The following ABCF2 variants were observed in gnomAD, a reference collection of about 807,000 sequenced individuals.
The protein encoded by ABCF2 is ATP binding cassette subfamily F member 2.
ABCF2 carries 37 observed loss-of-function variants against 76.9 expected under a neutral mutation model. The ratio of observed to expected loss-of-function variants is 0.48; its 90% CI spans 0.37 to 0.63. The LOEUF (loss-of-function observed/expected upper bound fraction) is 0.63, where lower values mean the gene tolerates loss of function less well. Ranked by LOEUF, ABCF2 falls within the 30% of genes least tolerant of loss-of-function variation. ABCF2 has a pLI of 0.00. For missense variants in ABCF2, 524 were observed against 782.1 expected, an observed-to-expected ratio of 0.67 and a Z score of 3.94; for synonymous variants, 299 against 283.7, an observed-to-expected ratio of 1.05 and a Z score of -0.54.
chr7:151,226,729 C>G (rs575735077), intron 1 of ABCF2: 72 of 338,492 alleles, frequency 2.1e-4, no homozygotes, highest in Middle Eastern at 7.5e-4. Context: ...CCCCCACGGA[C>G]TGCCTCACTT....
At chr7:151,221,550 T>A in intron 7 of ABCF2, 28 bp downstream of exon 7, 3 of 1,368,618 alleles carry the variant, frequency 2.2e-6, no homozygotes, top group Non-Finnish European at 2.1e-6. Flanking sequence ...TGCACAGAGA[T>A]TACCAGAAGA....
Position 151,214,844 on chromosome 7 carries a change from C to T in ABCF2, c.1734+35G>A. The T allele has an allele frequency of 1.2e-6, 2 of 1,608,662 alleles. No individual in the cohort carries two copies. The highest frequency in any genetic ancestry group is 1.7e-6 in the Non-Finnish European group (2 of 1,175,170). On this transcript the variant is annotated intron_variant, in intron 14 of 14. Transcript: ENST00000287844. The surrounding 1 kb of genome is among the most constrained non-coding windows in gnomAD (Gnocchi z 4.9). ...ACTACCCTACCCAACCCCCTAGAAG[C>T]TCTGCTGTGCCTCACCCCCTGGCCA...
rs758641317 is a variant in ABCF2 at position 151,224,020 on chromosome 7, A to G, written c.462T>C (p.Ser154=). Residue 154 remains serine (S), a synonymous_variant, in exon 4 of 15, where the codon AGT becomes AGC. Transcript: ENST00000287844. ...IYHLTREMPP[S]DKTPLHCVME... is the part of the protein sequence containing the mutation. ...TCACACAATGCAAGGGTGTCTTGTC[A>G]CTAGGGGGCATCTCTCGAGTCAGAT... is the stretch of plus-strand genomic sequence containing the variant. 1.9e-6 allele frequency: 3 copies of G among 1,613,932 alleles called. No individual in the cohort carries two copies. The highest frequency in any genetic ancestry group is 1.1e-5 in the South Asian group (1 of 91,080).
chr7:151,218,663 G>T lies in ABCF2; in HGVS notation c.1138-13C>A, dbSNP rs528203375. 3.1e-6 allele frequency: 5 copies of T among 1,613,880 alleles called. No individual in the cohort carries two copies. The highest frequency in any genetic ancestry group is 4.2e-6 in the Non-Finnish European group (5 of 1,179,934). ...AAAATGACAGTGTCTAGGAAGAAAA[G>T]AGGGCATTTATCAAGTTGGCTCCTT... On this transcript the variant is annotated splice_polypyrimidine_tract_variant and intron_variant, in intron 9 of 14. Coordinates refer to ENST00000287844, the MANE Select transcript of ABCF2 (RefSeq NM_007189.3).
At position 151,211,920 on chromosome 7, in the gene ABCF2, C is replaced by G; in HGVS notation, c.*2134G>C. The stretch of plus-strand genomic sequence containing the variant: ...CCTGTTGCCCAGGGCAGCTCCTGGA[C>G]TTTGTGGCCATCTGAGAAGATCCTA... On this transcript the variant is annotated 3_prime_UTR_variant, in exon 15 of 15. Coordinates refer to ENST00000287844, the MANE Select transcript of ABCF2 (RefSeq NM_007189.3). 1.0e-6 allele frequency: 1 copy of G among 985,454 alleles called. No homozygotes were observed. Among genetic ancestry groups the G allele is most frequent in the Non-Finnish European group, 1.2e-6 (1 of 829,930 alleles). 61.0% of individuals were successfully genotyped at this position (985,454 alleles called of 1,614,324 possible). A position where few individuals can be genotyped will look rare whatever the true frequency, so the allele number is the denominator to read the frequency against.
Position 151,223,927 on chromosome 7 carries a change from C to T in ABCF2, c.550+5G>A. ...CCACCCCTATGCCCAGGTCTGGAGCCCTACCATCCTCATGAGCCAGCCGCT... is the reference window on the plus strand; with the variant it reads ...CCACCCCTATGCCCAGGTCTGGAGCTCTACCATCCTCATGAGCCAGCCGCT... On this transcript the variant is annotated splice_donor_5th_base_variant and intron_variant, in intron 4 of 14. Coordinates refer to ENST00000287844, the MANE Select transcript of ABCF2 (RefSeq NM_007189.3). 6.2e-7 allele frequency: 1 copy of T among 1,612,058 alleles called. No homozygotes were observed. Among genetic ancestry groups the T allele is most frequent in the Non-Finnish European group, 8.5e-7 (1 of 1,178,606 alleles).
chr7:151,215,075 G>A lies in ABCF2; in HGVS notation c.1538C>T (p.Pro513Leu), dbSNP rs1462369166. The A allele has an allele frequency of 6.2e-7, 1 of 1,613,038 alleles. No homozygotes were observed. The highest frequency in any genetic ancestry group is 1.7e-5 in the Admixed American group (1 of 59,860). ...CTGCCCGTCTGACAAGTTCCGGATT[G>A]GGCTCACCTGAGTAGAACCGTGACC... The part of the protein sequence containing the change: ...YGLTGKQQVS[P>L]IRNLSDGQKC... The change falls in exon 14 of 15, where the codon CCA (proline) becomes CTA (leucine). Residue 513 changes from proline (P) to leucine (L), a missense_variant. Pro to Leu is a moderately conservative substitution (Grantham distance 98). Transcript: ENST00000287844. The surrounding 1 kb of genome is among the most constrained non-coding windows in gnomAD (Gnocchi z 4.6).
Position 151,215,808 on chromosome 7 carries a change from T to G in ABCF2, c.1402-76A>C. 6.2e-7 allele frequency: 1 copy of G among 1,605,846 alleles called. No individual in the cohort carries two copies. Among genetic ancestry groups the G allele is most frequent in the Non-Finnish European group, 8.5e-7 (1 of 1,174,336 alleles). On this transcript the variant is annotated intron_variant, in intron 12 of 14. Transcript: ENST00000287844. This position sits in a 1 kb window ranked among gnomAD's most constrained non-coding sequence, Gnocchi z 4.6. ...ATAAACCCTACTAGGTAACTTCCTA[T>G]TTCTATCCCAGGCACCTGTTCTGGG...
intron 3 of ABCF2, 92 bp downstream of exon 3, chr7:151,224,684 T>C: frequency 8.1e-7 from 1 of 1,234,710 alleles, no homozygotes; most frequent in Non-Finnish European, 1.2e-6. Flanking sequence ...TCTAAATGCT[T>C]TGCTCTGAAC....
rs1351093841 is a variant in ABCF2, at chr7:151,215,304, A to C, written c.1531-222T>G. Among the ~76,000 whole-genome samples, 1 of 152,176 alleles carries C rather than the reference A, an allele frequency of 6.6e-6. No homozygotes were observed. Among genetic ancestry groups the C allele is most frequent in the Non-Finnish European group, 1.5e-5 (1 of 68,040 alleles). ...ACACCTCTCGCTCTCTTGGCAATGA[A>C]TTGGATCCTTCCAGATCTGAATCCA... On this transcript the variant is annotated intron_variant, in intron 13 of 14. Transcript: ENST00000287844. The surrounding 1 kb of genome is among the most constrained non-coding windows in gnomAD (Gnocchi z 4.6).
Position 151,224,892 on chromosome 7 carries a change from G to A in ABCF2, c.251C>T (p.Thr84Ile). 6.2e-7 allele frequency: 1 copy of A among 1,614,180 alleles called. No homozygotes were observed. The highest frequency in any genetic ancestry group is 8.5e-7 in the Non-Finnish European group (1 of 1,179,990). ...TGVLASHPNS[T>I]DVHIINLSLT... is the part of the protein sequence containing the mutation. ...TGAGAGGTTGATGATGTGAACATCAGTACTGTTGGGGTGAGAGGCCAGGAC... is the reference window on the plus strand; with the variant it reads ...TGAGAGGTTGATGATGTGAACATCAATACTGTTGGGGTGAGAGGCCAGGAC... The change falls in exon 3 of 15, where the codon ACT becomes ATT. Residue 84 changes from threonine to isoleucine, a missense_variant. Thr to Ile is a moderately conservative substitution (Grantham distance 89, BLOSUM62 -1). Transcript: ENST00000287844.
At chr7:151,226,643 T>C (rs879487510) in intron 1 of ABCF2, 143 bp from the exon 2 acceptor site, 32 of 620,116 alleles carry the variant, frequency 5.2e-5, no homozygotes, top group Non-Finnish European at 4.0e-5. Flanking sequence ...TGTTCCAACT[T>C]GGTCAGGGTA....
In ABCF2 at chr7:151,215,939, TC is replaced by T. The variant is rs769476427; in HGVS notation, c.1401+27del. The T allele has an allele frequency of 6.2e-7, 1 of 1,612,738 alleles. No homozygotes were observed. The highest frequency in any genetic ancestry group is 8.5e-7 in the Non-Finnish European group (1 of 1,178,818). ...AGCCCCTCCCTATACCCTGGGCAAT[TC>T]CCCGGATCCCAACCCCAGGCCTGTA... On this transcript the variant is annotated intron_variant, in intron 12 of 14. Transcript: ENST00000287844. This position sits in a 1 kb window ranked among gnomAD's most constrained non-coding sequence, Gnocchi z 4.6.
chr7:151,211,895 CCT>C lies in ABCF2; in HGVS notation c.*2157_*2158del, dbSNP rs1159795184. 29 of 985,324 alleles carry C rather than the reference CCT, an allele frequency of 2.9e-5. No individual in the cohort carries two copies. The highest frequency in any genetic ancestry group is 3.4e-5 in the Non-Finnish European group (28 of 829,950). 61.0% of individuals were successfully genotyped at this position (985,324 alleles called of 1,614,324 possible). ...CAGTGTCTCACGGGAGGCTCCTGTC[CCT>C]GTTGCCCAGGGCAGCTCCTGGACTT... is the stretch of plus-strand genomic sequence containing the variant. On this transcript the variant is annotated 3_prime_UTR_variant, in exon 15 of 15. Coordinates refer to ENST00000287844, the MANE Select transcript of ABCF2 (RefSeq NM_007189.3).
chr7:151,222,390 A>G, intron 6 of ABCF2, 131 bp downstream of exon 6: 1 of 667,842 alleles, frequency 1.5e-6, no homozygotes, highest in Non-Finnish European at 2.5e-6. Context: ...CTGCTTGTCC[A>G]AGAAAGTGAA....
In ABCF2 at chr7:151,224,096, G is replaced by C. The variant is rs760590504; in HGVS notation, c.386C>G (p.Ser129Cys). The change falls in exon 4 of 15, where the codon TCT (serine) becomes TGT (cysteine). Residue 129 changes from serine (S) to cysteine (C), a missense_variant. This residue lies in a region of ABCF2 where 330 missense variants were observed against 433.6 expected (regional missense o/e 0.76). Coordinates refer to ENST00000287844, the MANE Select transcript of ABCF2 (RefSeq NM_007189.3). ...GGGCACTTCACGCTTCCCAATAGCAGAGAGCAGCATGGACTTTCCTGAGAG... is the reference window on the plus strand; with the variant it reads ...GGGCACTTCACGCTTCCCAATAGCACAGAGCAGCATGGACTTTCCTGAGAG... ...LNGIGKSMLL[S>C]AIGKREVPIP... 1.1e-5 allele frequency: 17 copies of C among 1,614,096 alleles called. No homozygotes were observed. Among genetic ancestry groups the C allele is most frequent in the South Asian group, 6.6e-5 (6 of 91,092 alleles).
rs116016836 is a variant in ABCF2, at chr7:151,221,533, A to C, written c.921+45T>G. On this transcript the variant is annotated intron_variant, in intron 7 of 14. Coordinates refer to ENST00000287844, the MANE Select transcript of ABCF2 (RefSeq NM_007189.3). ...TTTTTTTTAAAGAGAATTTCAGAGAATTGGTATGCACAGAGATTACCAGAA... is the reference window on the plus strand; with the variant it reads ...TTTTTTTTAAAGAGAATTTCAGAGACTTGGTATGCACAGAGATTACCAGAA... 2,164 of 1,189,166 alleles carry C rather than the reference A, an allele frequency of 1.8e-3. 36 individuals are homozygous for C. The African/African-American group carries it at 0.03, about 16-fold the overall frequency. The allele number at this position is 1,189,166 out of a possible 1,614,324, so 73.7% of individuals were successfully genotyped here.
chr7:151,221,097 T>C (rs1710546141), intron 7 of ABCF2, among the ~76,000 whole-genome samples: 1 of 152,240 alleles, frequency 6.6e-6, no homozygotes. Flanking sequence ...CCATGGCCTA[T>C]GGCCTGAAAG....
chr7:151,212,409 G>A lies in ABCF2; in HGVS notation c.*1645C>T, dbSNP rs111921561. ...CCAATAGGAAGAGAGGTTCACAGAC[G>A]TTGGTGTGAAAATGCAAACTCCTGG... is the stretch of plus-strand genomic sequence containing the variant. On this transcript the variant is annotated 3_prime_UTR_variant, in exon 15 of 15. Coordinates refer to ENST00000287844, the MANE Select transcript of ABCF2 (RefSeq NM_007189.3). 48 of 985,442 alleles carry A rather than the reference G, an allele frequency of 4.9e-5. 2 individuals are homozygous for A. The Middle Eastern group carries it at 1.6e-3, about 32-fold the overall frequency. 61.0% of individuals were successfully genotyped at this position (985,442 alleles called of 1,614,324 possible).
Sources: gnomAD v4.1 joint callset for allele counts (sites outside exome capture counted in the v4.1 genomes callset) on GRCh38, gnomAD v4.1.1 for gene constraint, gnomAD v4.1.1 regional missense constraint, Gnocchi (gnomAD v3.1) non-coding constraint, MANE v1.5 for transcripts, NCBI Gene and HGNC (gene_info 2026-07-23, HGNC 2026-07-21) for gene names.